The following CTIF variants were observed in gnomAD, a reference collection of about 807,000 sequenced individuals.
The protein encoded by CTIF is CBP80/20-dependent translation initiation factor.
In CTIF, 21 loss-of-function variants were observed where a neutral mutation model predicts 66.0. The observed-to-expected ratio is 0.32, with a 90% CI of 0.23 to 0.46. The LOEUF (loss-of-function observed/expected upper bound fraction) is 0.46. Ranked by LOEUF, CTIF falls within the 20% of genes least tolerant of loss-of-function variation. CTIF has a pLI of 1.00. For missense variants in CTIF, 739 were observed against 812.7 expected (o/e 0.91, Z 1.10); for synonymous variants, 345 against 326.4 (o/e 1.06, Z -0.62).
chr18:48,731,647 C>G (rs2092457616), intron 7 of CTIF, among the ~76,000 whole-genome samples: 1 of 152,170 alleles, frequency 6.6e-6, no homozygotes, highest in Non-Finnish European at 1.5e-5. Flanking sequence ...GGAAATTATC[C>G]ATATAAACCA....
intron 10 of CTIF, among the ~76,000 whole-genome samples, chr18:48,849,946 C>T (rs1286978682): frequency 6.6e-6 from 1 of 152,158 alleles, no homozygotes; most frequent in Admixed American, 6.5e-5. Flanking sequence ...TGTTGGGCAA[C>T]CATCCCCACC....
At chr18:48,784,524 A>G (rs1342128373) in intron 9 of CTIF, among the ~76,000 whole-genome samples, 2 of 152,030 alleles carry the variant, frequency 1.3e-5, no homozygotes, top group East Asian at 3.9e-4. Flanking sequence ...GGCACCACCA[A>G]AGGTTTGTAA....
intron 1 of CTIF, among the ~76,000 whole-genome samples, chr18:48,562,850 A>G (rs987729994): frequency 6.6e-5 from 10 of 152,232 alleles, no homozygotes; most frequent in African/African-American, 2.4e-4. Context: ...CCCCACACAA[A>G]TATGAAAACC....
intron 1 of CTIF, among the ~76,000 whole-genome samples, chr18:48,612,875 G>C (rs1261633323): frequency 6.6e-6 from 1 of 152,194 alleles, no homozygotes. Context: ...AGATGAGCCA[G>C]GAAGCAGAAA....
intron 7 of CTIF, among the ~76,000 whole-genome samples, chr18:48,725,151 G>C (rs1289746944): frequency 6.6e-6 from 1 of 152,252 alleles, no homozygotes; most frequent in African/African-American, 2.4e-5. Context: ...TCAGGGAGCA[G>C]ATGGCTCGGC....
chr18:48,580,426 G>A (rs925538811), intron 1 of CTIF, among the ~76,000 whole-genome samples: 3 of 152,292 alleles, frequency 2.0e-5, no homozygotes, highest in Non-Finnish European at 1.5e-5. Context: ...GAATGAAGGT[G>A]GAGGCTGGGG....
intron 3 of CTIF, among the ~76,000 whole-genome samples, chr18:48,647,815 C>T (rs117748022): frequency 2.6e-5 from 4 of 152,160 alleles, no homozygotes; most frequent in Non-Finnish European, 5.9e-5. Flanking sequence ...GGTCACCCCC[C>T]AGACCAGATG....
intron 11 of CTIF, among the ~76,000 whole-genome samples, chr18:48,858,579 G>C (rs901092695): frequency 6.6e-6 from 1 of 152,186 alleles, no homozygotes; most frequent in South Asian, 2.1e-4. Context: ...AGAAGGCAGA[G>C]ACTAGAAAAA....
At chr18:48,851,438 G>A (rs2069198175) in intron 10 of CTIF, among the ~76,000 whole-genome samples, 1 of 152,190 alleles carries the variant, frequency 6.6e-6, no homozygotes, top group South Asian at 2.1e-4. Context: ...TGGGACTCCG[G>A]GAGGCTTCCA....
chr18:48,726,357 T>C (rs2092387137), intron 7 of CTIF, among the ~76,000 whole-genome samples: 1 of 152,144 alleles, frequency 6.6e-6, no homozygotes, highest in Admixed American at 6.5e-5. Flanking sequence ...ACAACAAATA[T>C]TTATTATGTC....
chr18:48,591,690 T>G (rs1468885372), intron 1 of CTIF, among the ~76,000 whole-genome samples: 1 of 152,210 alleles, frequency 6.6e-6, no homozygotes, highest in East Asian at 1.9e-4. Context: ...AAATTGATAG[T>G]TAGAGTAAGT....
chr18:48,844,477 T>A (rs955453055), intron 10 of CTIF, among the ~76,000 whole-genome samples: 1 of 152,210 alleles, frequency 6.6e-6, no homozygotes, highest in African/African-American at 2.4e-5. Context: ...GCATCCCCCA[T>A]GTGACATCCA....
Position 48,539,160 on chromosome 18 carries a change from G to C in CTIF, c.-181G>C, listed in dbSNP as rs1034359517. The C allele has an allele frequency of 3.9e-5, 5 of 127,552 alleles. No homozygotes were observed. Among genetic ancestry groups the C allele is most frequent in the African/African-American group, 1.5e-4 (5 of 32,314 alleles). The allele number at this position is 127,552 out of a possible 1,614,324, so 7.9% of individuals were successfully genotyped here. On this transcript the variant is annotated 5_prime_UTR_variant, in exon 1 of 12. Transcript: ENST00000256413. Reference sequence around the variant, plus strand: ...CCTCCCTCCCCTCTCTGCTGGGTCTGTGCGCTGGGGCGCCCGATCCCCTCC... The same window carrying C: ...CCTCCCTCCCCTCTCTGCTGGGTCTCTGCGCTGGGGCGCCCGATCCCCTCC...
chr18:48,631,206 T>G (rs994450158), intron 2 of CTIF, among the ~76,000 whole-genome samples: 1 of 152,220 alleles, frequency 6.6e-6, no homozygotes, highest in Non-Finnish European at 1.5e-5. Context: ...GGCTCCCACC[T>G]GTAATCCTAG....
intron 2 of CTIF, among the ~76,000 whole-genome samples, chr18:48,623,383 T>TCA (rs1379507795): frequency 3.3e-5 from 5 of 152,122 alleles, no homozygotes; most frequent in African/African-American, 4.8e-5. Flanking sequence ...ATCCCCACAG[T>TCA]CACACACACA....
chr18:48,821,368 T>C (rs1164939407), intron 10 of CTIF, among the ~76,000 whole-genome samples: 4 of 152,244 alleles, frequency 2.6e-5, no homozygotes, highest in African/African-American at 4.8e-5. Context: ...TTGAAGATTA[T>C]CATCCCCATT....
At chr18:48,571,821 C>T (rs1001905163) in intron 1 of CTIF, among the ~76,000 whole-genome samples, 2 of 151,892 alleles carry the variant, frequency 1.3e-5, no homozygotes, top group Non-Finnish European at 2.9e-5. Context: ...TCAGGGTCTC[C>T]AGAGAAACAG....
chr18:48,611,668 C>A (rs1163425530), intron 1 of CTIF, among the ~76,000 whole-genome samples: 2 of 152,232 alleles, frequency 1.3e-5, no homozygotes, highest in Non-Finnish European at 2.9e-5. Context: ...TGCATTGTAA[C>A]AAGATGCCCT....
chr18:48,792,302 G>T (rs1166711127), intron 9 of CTIF, among the ~76,000 whole-genome samples: 1 of 152,100 alleles, frequency 6.6e-6, no homozygotes, highest in Non-Finnish European at 1.5e-5. Flanking sequence ...CCAGGTCAGG[G>T]GGGTGGGTGG....
Sources: gnomAD v4.1 joint callset for allele counts (sites outside exome capture counted in the v4.1 genomes callset) on GRCh38, gnomAD v4.1.1 for gene constraint, MANE v1.5 for transcripts, NCBI Gene and HGNC (gene_info 2026-07-23, HGNC 2026-07-21) for gene names.